Variants in PCDHGA2 observed in about 807,000 individuals in gnomAD.
PCDHGA2 encodes protocadherin gamma-A2.
A neutral mutation model predicts 59.2 loss-of-function variants in PCDHGA2; 40 were observed. The observed-to-expected ratio is 0.68, with a 90% CI of 0.52 to 0.88. The LOEUF (loss-of-function observed/expected upper bound fraction) is 0.88. Among genes scored for constraint, PCDHGA2 ranks in the 40% least tolerant of loss-of-function variants. The probability of loss-of-function intolerance (pLI) is 0.00; values close to 1 mark genes in which losing one functional copy is unlikely to be tolerated. For missense variants in PCDHGA2, 1,226 were observed against 1,204.0 expected (o/e 1.02, Z -0.27); for synonymous variants, 560 against 526.0 (o/e 1.06, Z -0.89).
chr5:141,362,994 C>T (rs1023697492), intron 1 of PCDHGA2, among the ~76,000 whole-genome samples: 12 of 152,350 alleles, frequency 7.9e-5, no homozygotes, highest in Admixed American at 3.9e-4. Context: ...AATGGCATGG[C>T]TTGTTAATCA....
rs564582881 is a variant in PCDHGA2, at chr5:141,432,735, C to T, written c.2425-62072C>T. ...CAGCCCCCTCTCTCCGCCACTGTCA[C>T]GCTCACCGTGGCCGTGGCCGACAGC... On this transcript the variant is annotated intron_variant, in intron 1 of 3. Coordinates refer to ENST00000394576, the MANE Select transcript of PCDHGA2 (RefSeq NM_018915.4). This position sits in a 1 kb window ranked among gnomAD's most constrained non-coding sequence, Gnocchi z 6.0. 2 of 1,614,094 alleles carry T rather than the reference C, an allele frequency of 1.2e-6. No individual in the cohort carries two copies. The highest frequency in any genetic ancestry group is 1.1e-5 in the South Asian group (1 of 91,086).
chr5:141,378,017 A>G (rs1371705744), intron 1 of PCDHGA2: 1 of 152,202 alleles, frequency 6.6e-6, no homozygotes, highest in South Asian at 2.1e-4. Flanking sequence ...AGCTCTACTT[A>G]TATTATTTTT....
At chr5:141,365,117 A>G (rs764671143) in intron 1 of PCDHGA2, 2 of 1,613,924 alleles carry the variant, frequency 1.2e-6, no homozygotes, top group Non-Finnish European at 1.7e-6. Flanking sequence ...TCGGCTGCTC[A>G]TGCTAACCGC....
rs781173890 is a variant in PCDHGA2, at chr5:141,476,165, G to T, written c.2425-18642G>T. 5.3e-5 allele frequency: 86 copies of T among 1,613,106 alleles called. No individual in the cohort carries two copies. Among genetic ancestry groups the T allele is most frequent in the Non-Finnish European group, 7.2e-5 (85 of 1,179,976 alleles). On this transcript the variant is annotated intron_variant, in intron 1 of 3. Transcript: ENST00000394576. The surrounding 1 kb of genome is among the most constrained non-coding windows in gnomAD (Gnocchi z 7.6). ...CGGACTGGTAAGCACCGGGAGGGTA[G>T]TGGGAGTTTTGCTTCTGCTTGGTGC...
intron 1 of PCDHGA2, chr5:141,405,253 C>T (rs78501291): frequency 0.034 from 55,338 of 1,614,052 alleles, 1,052 homozygotes; most frequent in Middle Eastern, 0.098. Flanking sequence ...GGAAGAGTCA[C>T]CTGATCTTCC....
intron 1 of PCDHGA2, chr5:141,408,114 C>T (rs1191565539): frequency 5.5e-6 from 8 of 1,460,968 alleles, no homozygotes; most frequent in South Asian, 1.4e-5. Context: ...CGGGACTCCT[C>T]CTGTCCTGGG....
chr5:141,419,769 C>A (rs773303779), intron 1 of PCDHGA2: 14 of 1,614,006 alleles, frequency 8.7e-6, no homozygotes, highest in East Asian at 4.5e-5. Context: ...GACAAGGACT[C>A]GGTCCGCCAG....
intron 1 of PCDHGA2, chr5:141,492,070 GCCGGCT>G (rs1329848558): frequency 2.1e-6 from 1 of 477,826 alleles, no homozygotes; most frequent in Non-Finnish European, 3.7e-6. Context: ...CCTCCTAGGC[GCCGGCT>G]CCGGCACGCT....
intron 1 of PCDHGA2, chr5:141,362,530 C>G (rs769795967): frequency 6.2e-7 from 1 of 1,613,818 alleles, no homozygotes; most frequent in Non-Finnish European, 8.5e-7. Context: ...CGCTGGGGTC[C>G]CTTTTGCCTC....
rs536313993 is a variant in PCDHGA2, at chr5:141,436,142, T to G, written c.2425-58665T>G. Among the ~76,000 whole-genome samples, 46 of 152,334 alleles carry G rather than the reference T, an allele frequency of 3.0e-4. No homozygotes were observed. The South Asian group carries it at 3.1e-3, about 10-fold the overall frequency. ...CTCTCCTCCATCATCTTGTATGAAC[T>G]ACCAAAATGTTTATCATATGGACAG... On this transcript the variant is annotated intron_variant, in intron 1 of 3. Coordinates refer to ENST00000394576, the MANE Select transcript of PCDHGA2 (RefSeq NM_018915.4).
chr5:141,405,553 T>G, intron 1 of PCDHGA2: 1 of 619,004 alleles, frequency 1.6e-6, no homozygotes, highest in Non-Finnish European at 2.8e-6. Flanking sequence ...CCAAGTAGAG[T>G]AGCTGGGACT....
In PCDHGA2 at chr5:141,477,442, A is replaced by G; in HGVS notation, c.2425-17365A>G. The G allele has an allele frequency of 6.2e-7, 1 of 1,614,132 alleles. No individual in the cohort carries two copies. Among genetic ancestry groups the G allele is most frequent in the Non-Finnish European group, 8.5e-7 (1 of 1,180,022 alleles). ...CCCCTTCCCTCTCAGCCCTTACAAT[A>G]GTGCGTGTTCAAGTGTCCGACATCA... On this transcript the variant is annotated intron_variant, in intron 1 of 3. Coordinates refer to ENST00000394576, the MANE Select transcript of PCDHGA2 (RefSeq NM_018915.4). This position sits in a 1 kb window ranked among gnomAD's most constrained non-coding sequence, Gnocchi z 4.9.
Position 141,476,788 on chromosome 5 carries a change from C to G in PCDHGA2, c.2425-18019C>G. 1 of 1,613,478 alleles carries G rather than the reference C, an allele frequency of 6.2e-7. No homozygotes were observed. Among genetic ancestry groups the G allele is most frequent in the Non-Finnish European group, 8.5e-7 (1 of 1,180,032 alleles). ...CGTTGGACGGAGGGACCCCAGCTCT[C>G]TCCGCCAGCCTGCCTATTCACATCA... On this transcript the variant is annotated intron_variant, in intron 1 of 3. Coordinates refer to ENST00000394576, the MANE Select transcript of PCDHGA2 (RefSeq NM_018915.4). This position sits in a 1 kb window ranked among gnomAD's most constrained non-coding sequence, Gnocchi z 7.6.
At position 141,360,504 on chromosome 5, in the gene PCDHGA2, G is replaced by T. The variant is rs778091119; in HGVS notation, c.2424+19109G>T. 5 of 1,613,814 alleles carry T rather than the reference G, an allele frequency of 3.1e-6. No homozygotes were observed. The African/African-American group carries it at 4.0e-5, about 13-fold the overall frequency. On this transcript the variant is annotated intron_variant, in intron 1 of 3. Transcript: ENST00000394576. The stretch of plus-strand genomic sequence containing the variant: ...ATATTTTCTACATAGCAGTAATTGT[G>T]CAGGATATAAATGATAATACCCCGC...
intron 1 of PCDHGA2, chr5:141,409,600 G>T (rs778681839): frequency 6.8e-6 from 11 of 1,613,882 alleles, no homozygotes; most frequent in Admixed American, 1.7e-5. Flanking sequence ...AGAACAACCC[G>T]CCAGGAGCCT....
chr5:141,489,339 C>T lies in PCDHGA2; in HGVS notation c.2425-5468C>T. 6.2e-7 allele frequency: 1 copy of T among 1,608,828 alleles called. No individual in the cohort carries two copies. On this transcript the variant is annotated intron_variant, in intron 1 of 3. Transcript: ENST00000394576. The surrounding 1 kb of genome is among the most constrained non-coding windows in gnomAD (Gnocchi z 4.5). ...GCTGGGTGTCTGGGCAGCTTCGTTA[C>T]TCAGTGGTGGAGGAGTCTGAGCCGG...
At position 141,394,267 on chromosome 5, in the gene PCDHGA2, C is replaced by T. The variant is rs563732311; in HGVS notation, c.2424+52872C>T. 1.2e-5 allele frequency: 19 copies of T among 1,613,926 alleles called. No individual in the cohort carries two copies. In the South Asian group the frequency reaches 2.0e-4, roughly 17 times the overall value. On this transcript the variant is annotated intron_variant, in intron 1 of 3. Transcript: ENST00000394576. The stretch of plus-strand genomic sequence containing the variant: ...CACGACCCCGACAGCCAGGAGAATG[C>T]CCAGGTCACTTACTCTGTGACCGAG...
chr5:141,473,163 G>T (rs1379230893), intron 1 of PCDHGA2, among the ~76,000 whole-genome samples: 2 of 152,160 alleles, frequency 1.3e-5, no homozygotes, highest in Non-Finnish European at 1.5e-5. Flanking sequence ...GGGCTAGGAA[G>T]GCCCACTGGT....
chr5:141,456,139 C>T (rs999574407), intron 1 of PCDHGA2, among the ~76,000 whole-genome samples: 20 of 152,010 alleles, frequency 1.3e-4, no homozygotes, highest in Admixed American at 9.8e-4. Context: ...CCTCCTGATC[C>T]GCCCGCCTCG....
Sources: gnomAD v4.1 joint callset for allele counts (sites outside exome capture counted in the v4.1 genomes callset) on GRCh38, gnomAD v4.1.1 for gene constraint, Gnocchi (gnomAD v3.1) non-coding constraint, MANE v1.5 for transcripts, NCBI Gene and HGNC (gene_info 2026-07-23, HGNC 2026-07-21) for gene names.